The following EIF2AK4 variants were observed in gnomAD, a reference collection of about 807,000 sequenced individuals.
EIF2AK4 encodes eIF-2-alpha kinase GCN2.
EIF2AK4 carries 139 observed loss-of-function variants against 211.1 expected under a neutral mutation model. The ratio of observed to expected loss-of-function variants is 0.66; its 90% CI spans 0.57 to 0.76. The LOEUF is 0.76. Among genes scored for constraint, EIF2AK4 ranks in the 30% least tolerant of loss-of-function variants. EIF2AK4 has a pLI of 0.00. For synonymous variants in EIF2AK4, 710 were observed against 751.3 expected (o/e 0.94, Z 0.90); for missense variants, 1,664 against 2,043.8 (o/e 0.81, Z 3.58).
At chr15:39,957,690 G>T (rs571052222) in intron 6 of EIF2AK4, among the ~76,000 whole-genome samples, 4 of 152,226 alleles carry the variant, frequency 2.6e-5, no homozygotes, top group African/African-American at 9.6e-5. Context: ...GCCTGAAATC[G>T]TGCCTGGAAG....
chr15:40,034,876 C>G (rs773959292), intron 38 of EIF2AK4, 151 bp from the exon 39 acceptor site: 5 of 560,646 alleles, frequency 8.9e-6, no homozygotes, highest in Non-Finnish European at 1.5e-5. Context: ...TCAGTCACAC[C>G]TTGTATAAAA....
intron 14 of EIF2AK4, among the ~76,000 whole-genome samples, chr15:39,987,367 G>A (rs574169761): frequency 2.6e-5 from 4 of 152,220 alleles, no homozygotes; most frequent in African/African-American, 7.2e-5. Flanking sequence ...ACCTTTCTTC[G>A]TGAGAAATCT....
chr15:39,953,752 C>G, intron 4 of EIF2AK4, 152 bp from the exon 5 acceptor site: 1 of 695,328 alleles, frequency 1.4e-6, no homozygotes. Flanking sequence ...ACTGATAGAA[C>G]TGCAGTTTGT....
At chr15:39,977,876 G>T in intron 12 of EIF2AK4, 1 of 362,158 alleles carries the variant, frequency 2.8e-6, no homozygotes, top group Non-Finnish European at 4.9e-6. Flanking sequence ...AACTTAATCT[G>T]GCTAATTTTT....
chr15:40,011,571 C>A (rs375067759), intron 27 of EIF2AK4, among the ~76,000 whole-genome samples: 1 of 152,160 alleles, frequency 6.6e-6, no homozygotes, highest in East Asian at 1.9e-4. Flanking sequence ...CTTCTTGATA[C>A]GCTGTAATCA....
At chr15:39,963,200 TG>T (rs2034496727) in intron 7 of EIF2AK4, among the ~76,000 whole-genome samples, 1 of 152,164 alleles carries the variant, frequency 6.6e-6, no homozygotes, top group Admixed American at 6.5e-5. Flanking sequence ...AAGGAATCAT[TG>T]GGCAGGTTCA....
At chr15:39,960,480 A>G (rs928053336) in intron 6 of EIF2AK4, among the ~76,000 whole-genome samples, 1 of 152,102 alleles carries the variant, frequency 6.6e-6, no homozygotes, top group Admixed American at 6.5e-5. Context: ...CCTAACCAAA[A>G]TTAAAGAGTC....
chr15:39,984,632 C>T (rs1442760135), intron 13 of EIF2AK4, among the ~76,000 whole-genome samples: 1 of 152,180 alleles, frequency 6.6e-6, no homozygotes, highest in Non-Finnish European at 1.5e-5. Context: ...TGGGAATTCA[C>T]TCATGATTTG....
rs772688830 is a variant in EIF2AK4 at position 39,973,619 on chromosome 15, CT to C, written c.1689del (p.Val564LeufsTer55). 7 of 1,613,800 alleles carry C rather than the reference CT, an allele frequency of 4.3e-6. No individual in the cohort carries two copies. The highest frequency in any genetic ancestry group is 5.9e-6 in the Non-Finnish European group (7 of 1,179,878). On this transcript the variant is annotated frameshift_variant, in exon 11 of 39. Coordinates refer to ENST00000263791, the MANE Select transcript of EIF2AK4 (RefSeq NM_001013703.4). LOFTEE classifies it high-confidence loss of function. Reference sequence around the variant, plus strand: ...TCTGAAGGACAAGATTATGTTGAGACTGTTATTCCTAGCAACCGGCTACCCA... The same window carrying C: ...TCTGAAGGACAAGATTATGTTGAGACGTTATTCCTAGCAACCGGCTACCCA... Reference protein sequence around the residue: ...EDSEGQDYVETVIPSNRLPSA... With the variant: ...EDSEGQDYVEXVIPSNRLPSA...
At chr15:40,007,802 A>C (rs147821128) in intron 24 of EIF2AK4, among the ~76,000 whole-genome samples, 1 of 152,212 alleles carries the variant, frequency 6.6e-6, no homozygotes, top group Non-Finnish European at 1.5e-5. Context: ...TATTTCAGAC[A>C]TTTAAAAAAC....
intron 30 of EIF2AK4, among the ~76,000 whole-genome samples, 199 bp downstream of exon 30, chr15:40,019,399 C>T (rs2035353175): frequency 6.6e-6 from 1 of 152,212 alleles, no homozygotes; most frequent in Non-Finnish European, 1.5e-5. Context: ...CATCTGTTCT[C>T]TAGCTGGACG....
At chr15:39,934,530 T>G (rs1405585108) in intron 1 of EIF2AK4, among the ~76,000 whole-genome samples, 191 bp downstream of exon 1, 1 of 152,208 alleles carries the variant, frequency 6.6e-6, no homozygotes, top group Non-Finnish European at 1.5e-5. Context: ...TAGGCCGAAT[T>G]CTTCTACAGT....
At chr15:39,984,721 G>A (rs879925598) in intron 13 of EIF2AK4, among the ~76,000 whole-genome samples, 12 of 152,222 alleles carry the variant, frequency 7.9e-5, no homozygotes, top group Admixed American at 1.3e-4. Flanking sequence ...AGACTTTGCT[G>A]AAGTTGCTTA....
At chr15:39,943,602 A>G in intron 3 of EIF2AK4, 117 bp downstream of exon 3, 1 of 755,658 alleles carries the variant, frequency 1.3e-6, no homozygotes. Context: ...GAACATTGTG[A>G]TTTTTATTTA....
intron 25 of EIF2AK4, among the ~76,000 whole-genome samples, chr15:40,009,298 A>G (rs550821604): frequency 1.3e-5 from 2 of 152,046 alleles, no homozygotes; most frequent in East Asian, 3.9e-4. Flanking sequence ...TATGTTCCCC[A>G]GGCTGGTCTT....
Position 40,016,618 on chromosome 15 carries a change from A to G in EIF2AK4, c.3876A>G (p.Leu1292=). Residue 1292 remains leucine (L), a synonymous_variant, in exon 28 of 39, where the codon TTA becomes TTG. Coordinates refer to ENST00000263791, the MANE Select transcript of EIF2AK4 (RefSeq NM_001013703.4). ...TGIAQLVKYG[L]KDLEEVVGLL... is the part of the protein sequence containing the mutation. ...TTGCACAGTTGGTGAAGTATGGCTTAAAAGACCTAGAGGAGGTTGTTGGAC... is the reference window on the plus strand; with the variant it reads ...TTGCACAGTTGGTGAAGTATGGCTTGAAAGACCTAGAGGAGGTTGTTGGAC... The G allele has an allele frequency of 4.3e-6, 7 of 1,614,264 alleles. No homozygotes were observed. Among genetic ancestry groups the G allele is most frequent in the Non-Finnish European group, 5.9e-6 (7 of 1,180,040 alleles).
In EIF2AK4 at chr15:39,973,821, C is replaced by G. The variant is rs564341372; in HGVS notation, c.1818+72C>G. ...TTCCATTTCCACAAAGACTCATGGA[C>G]TTTACTTTTATTTTGGGAGTGGGGA... On this transcript the variant is annotated intron_variant, in intron 11 of 38. Coordinates refer to ENST00000263791, the MANE Select transcript of EIF2AK4 (RefSeq NM_001013703.4). The G allele has an allele frequency of 1.1e-5, 17 of 1,552,254 alleles. No individual in the cohort carries two copies. The African/African-American group carries it at 2.2e-4, about 20-fold the overall frequency.
At chr15:39,934,871 C>G (rs2034040893) in intron 1 of EIF2AK4, among the ~76,000 whole-genome samples, 2 of 152,320 alleles carry the variant, frequency 1.3e-5, no homozygotes, top group South Asian at 2.1e-4. Context: ...GAGGAACTTT[C>G]CATACCTCTG....
At chr15:40,031,101 G>A (rs923774222) in intron 35 of EIF2AK4, among the ~76,000 whole-genome samples, 3 of 152,094 alleles carry the variant, frequency 2.0e-5, no homozygotes, top group East Asian at 3.9e-4. Context: ...TTAGCCAAGC[G>A]TGGTGGCAAA....
Sources: gnomAD v4.1 joint callset for allele counts (sites outside exome capture counted in the v4.1 genomes callset) on GRCh38, gnomAD v4.1.1 for gene constraint, MANE v1.5 for transcripts, NCBI Gene and HGNC (gene_info 2026-07-23, HGNC 2026-07-21) for gene names.